Variants in SYT11 observed in about 807,000 individuals in gnomAD.
SYT11 encodes the protein synaptotagmin-11.
Under a neutral mutation model 30.4 loss-of-function variants are expected in SYT11, and 12 were observed. The observed-to-expected ratio is 0.39, with a 90% CI of 0.25 to 0.64. The LOEUF (loss-of-function observed/expected upper bound fraction) is 0.64, where lower values mean the gene tolerates loss of function less well. SYT11 is among the 30% of genes least tolerant of loss of function. SYT11 has a pLI of 0.45. For synonymous variants in SYT11, 204 were observed against 216.0 expected (o/e 0.94, Z 0.49); for missense variants, 412 against 552.0 (o/e 0.75, Z 2.54).
Position 155,874,612 on chromosome 1 carries a change from C to T in SYT11, c.861+5821C>T, listed in dbSNP as rs973469698. 4.7e-5 allele frequency among the ~76,000 whole-genome samples: 7 copies of T among 148,516 alleles called. 1 individual carries two copies. The highest frequency in any genetic ancestry group is 2.7e-4 in the Admixed American group (4 of 14,872). On this transcript the variant is annotated intron_variant, in intron 2 of 3. Coordinates refer to ENST00000368324, the MANE Select transcript of SYT11 (RefSeq NM_152280.5). The stretch of plus-strand genomic sequence containing the variant: ...CCTATCTCAAAAATAAAAATAAGGC[C>T]GGGCGCGGTGGCTGACGCCTGTAAT...
chr1:155,865,141 T>G (rs1248995377), intron 1 of SYT11, among the ~76,000 whole-genome samples: 3 of 152,236 alleles, frequency 2.0e-5, no homozygotes, highest in Non-Finnish European at 4.4e-5. Flanking sequence ...ACAAAGTTGC[T>G]GTTTTATTAA....
chr1:155,868,920 TC>T lies in SYT11; in HGVS notation c.861+130del. On this transcript the variant is annotated intron_variant, in intron 2 of 3. Transcript: ENST00000368324. The surrounding 1 kb of genome is among the most constrained non-coding windows in gnomAD (Gnocchi z 4.7). ...GCTGTAGAGAGGAAGCTCTTGGATG[TC>T]AAGGATAAGCAGTGGTCAGAGTAAG... is the stretch of plus-strand genomic sequence containing the variant. The T allele has an allele frequency of 2.2e-6, 2 of 900,722 alleles. No individual in the cohort carries two copies. Among genetic ancestry groups the T allele is most frequent in the Non-Finnish European group, 3.3e-6 (2 of 604,266 alleles). The allele number at this position is 900,722 out of a possible 1,614,324, so 55.8% of individuals were successfully genotyped here.
chr1:155,868,126 C>T lies in SYT11; in HGVS notation c.196C>T (p.Pro66Ser). 5 of 1,613,982 alleles carry T rather than the reference C, an allele frequency of 3.1e-6. No individual in the cohort carries two copies. Among genetic ancestry groups the T allele is most frequent in the Non-Finnish European group, 4.2e-6 (5 of 1,180,002 alleles). The change falls in exon 2 of 4, where the codon CCA (proline) becomes TCA (serine). Residue 66 changes from proline to serine, a missense_variant. Pro to Ser is a moderately conservative substitution (Grantham distance 74). Coordinates refer to ENST00000368324, the MANE Select transcript of SYT11 (RefSeq NM_152280.5). This position sits in a 1 kb window ranked among gnomAD's most constrained non-coding sequence, Gnocchi z 4.7. The stretch of plus-strand genomic sequence containing the variant: ...CATGCTCAAAGGCATCAGCATATAC[C>T]CAGAGACCCTCAGCAACAAGAAGAA... Reference protein sequence around the residue: ...IHMLKGISIYPETLSNKKKII... With the variant: ...IHMLKGISIYSETLSNKKKII...
intron 1 of SYT11, among the ~76,000 whole-genome samples, chr1:155,865,069 C>T (rs1196616122): frequency 6.6e-6 from 1 of 152,154 alleles, no homozygotes; most frequent in Non-Finnish European, 1.5e-5. Flanking sequence ...CTTTTGTTCA[C>T]TGAACGCTTA....
At chr1:155,870,897 C>T (rs1672772800) in intron 2 of SYT11, among the ~76,000 whole-genome samples, 1 of 151,120 alleles carries the variant, frequency 6.6e-6, no homozygotes, top group South Asian at 2.1e-4. Flanking sequence ...GTCACAGGGG[C>T]CAGGGAAGTC....
At chr1:155,874,980 C>A (rs1166684884) in intron 2 of SYT11, among the ~76,000 whole-genome samples, 1 of 149,710 alleles carries the variant, frequency 6.7e-6, no homozygotes, top group Non-Finnish European at 1.5e-5. Flanking sequence ...ATAGGCCGGG[C>A]ATGGTGACTC....
chr1:155,876,296 A>G (rs1250139843), intron 2 of SYT11, among the ~76,000 whole-genome samples: 1 of 117,172 alleles, frequency 8.5e-6, no homozygotes, highest in African/African-American at 3.3e-5. Context: ...CCCAGGCTGG[A>G]GTGCAGTGGC....
intron 1 of SYT11, among the ~76,000 whole-genome samples, chr1:155,861,854 G>A (rs1235183968): frequency 1.3e-5 from 2 of 152,224 alleles, no homozygotes; most frequent in African/African-American, 4.8e-5. Context: ...CCGACCTCAG[G>A]TGATCTGCCT....
At chr1:155,864,380 G>C (rs1415160340) in intron 1 of SYT11, among the ~76,000 whole-genome samples, 1 of 152,214 alleles carries the variant, frequency 6.6e-6, no homozygotes, top group African/African-American at 2.4e-5. Flanking sequence ...CAGTGCAGAT[G>C]AAATTATACC....
In SYT11 at chr1:155,859,567, A is replaced by G. The variant is rs960133361; in HGVS notation, c.-195A>G. 3 of 632,942 alleles carry G rather than the reference A, an allele frequency of 4.7e-6. No individual in the cohort carries two copies. In the African/African-American group the frequency reaches 5.5e-5, roughly 12 times the overall value. 39.2% of individuals were successfully genotyped at this position (632,942 alleles called of 1,614,324 possible). ...CTGACTGCACCTGCATCCTTAGCTC[A>G]GCGCATCCCCGGAGCATCTTAAGAG... On this transcript the variant is annotated 5_prime_UTR_variant, in exon 1 of 4. Coordinates refer to ENST00000368324, the MANE Select transcript of SYT11 (RefSeq NM_152280.5).
chr1:155,862,891 G>A (rs1367853724), intron 1 of SYT11, among the ~76,000 whole-genome samples: 1 of 152,148 alleles, frequency 6.6e-6, no homozygotes, highest in East Asian at 1.9e-4. Flanking sequence ...CATTCTTAAT[G>A]GCAACTGAAT....
At chr1:155,872,409 C>T (rs1005825350) in intron 2 of SYT11, among the ~76,000 whole-genome samples, 2 of 152,238 alleles carry the variant, frequency 1.3e-5, no homozygotes, top group African/African-American at 4.8e-5. Flanking sequence ...GCTAGAAAAT[C>T]ACTCTGAAAG....
intron 2 of SYT11, 120 bp from the exon 3 acceptor site, chr1:155,880,380 C>A (rs1672940555): frequency 2.4e-6 from 3 of 1,234,624 alleles, no homozygotes. Flanking sequence ...AGCATCTTTC[C>A]AAAAAACTTA....
At chr1:155,864,438 A>T (rs1391365941) in intron 1 of SYT11, among the ~76,000 whole-genome samples, 4 of 152,180 alleles carry the variant, frequency 2.6e-5, no homozygotes, top group African/African-American at 7.2e-5. Flanking sequence ...TGTGCTCATG[A>T]TGCTCATAGG....
At chr1:155,859,847 C>T (rs759193122) in intron 1 of SYT11, 52 bp downstream of exon 1, 1 of 1,546,526 alleles carries the variant, frequency 6.5e-7, no homozygotes, top group Non-Finnish European at 8.9e-7. Flanking sequence ...GGTTGCAAGG[C>T]CAAGGGGGCC....
At position 155,879,285 on chromosome 1, in the gene SYT11, C is replaced by T. The variant is rs141069897; in HGVS notation, c.862-1215C>T. The stretch of plus-strand genomic sequence containing the variant: ...TACAAAAATTAGCCGGGCATGGTGG[C>T]GGGCACCTGTAATCCCAGCTACTCT... On this transcript the variant is annotated intron_variant, in intron 2 of 3. Transcript: ENST00000368324. 8.1e-3 allele frequency among the ~76,000 whole-genome samples: 1,223 copies of T among 151,028 alleles called. 14 individuals are homozygous for T. The highest frequency in any genetic ancestry group is 0.028 in the African/African-American group (1,164 of 41,156).
chr1:155,859,990 G>C (rs1209818346), intron 1 of SYT11, among the ~76,000 whole-genome samples, 195 bp downstream of exon 1: 1 of 152,228 alleles, frequency 6.6e-6, no homozygotes, highest in African/African-American at 2.4e-5. Flanking sequence ...GGGCTGCAGG[G>C]ACTGGCAGGG....
intron 2 of SYT11, among the ~76,000 whole-genome samples, chr1:155,877,702 A>C (rs1185933869): frequency 2.6e-5 from 4 of 151,776 alleles, no homozygotes; most frequent in African/African-American, 4.8e-5. Context: ...TACAGGCGCC[A>C]GTCACCACGC....
At chr1:155,864,867 T>G (rs1352208897) in intron 1 of SYT11, among the ~76,000 whole-genome samples, 3 of 152,004 alleles carry the variant, frequency 2.0e-5, no homozygotes, top group Admixed American at 1.3e-4. Context: ...CCTGCCACCA[T>G]GCCAGGCTAA....
Sources: gnomAD v4.1 joint callset for allele counts (sites outside exome capture counted in the v4.1 genomes callset) on GRCh38, gnomAD v4.1.1 for gene constraint, Gnocchi (gnomAD v3.1) non-coding constraint, MANE v1.5 for transcripts, NCBI Gene and HGNC (gene_info 2026-07-23, HGNC 2026-07-21) for gene names.